Variants in NIN observed in about 807,000 individuals in gnomAD.
NIN encodes glycogen synthase kinase 3 beta-interacting protein.
NIN carries 137 observed loss-of-function variants against 257.6 expected under a neutral mutation model. That is an observed-to-expected ratio of 0.53 (90% CI 0.46 to 0.61). The LOEUF (loss-of-function observed/expected upper bound fraction) is 0.61. Ranked by LOEUF, NIN falls within the 20% of genes least tolerant of loss-of-function variation. NIN has a pLI of 0.00. For synonymous variants in NIN, 918 were observed against 919.8 expected, an observed-to-expected ratio of 1.00 and a Z score of 0.04; for missense variants, 2,439 against 2,501.2, an observed-to-expected ratio of 0.98 and a Z score of 0.53.
intron 3 of NIN, among the ~76,000 whole-genome samples, chr14:50,813,453 TA>T (rs1402572875): frequency 6.6e-6 from 1 of 152,226 alleles, no homozygotes; most frequent in Non-Finnish European, 1.5e-5. Flanking sequence ...TAAACTAAAT[TA>T]AGAGGAAGAC....
chr14:50,739,585 A>G (rs2140472319), intron 25 of NIN, 98 bp from the exon 26 acceptor site: 1 of 1,053,504 alleles, frequency 9.5e-7, no homozygotes, highest in Non-Finnish European at 1.4e-6. Flanking sequence ...ACGACTCCTA[A>G]TAAGTACCTT....
Position 50,763,968 on chromosome 14 carries a change from G to A in NIN, c.1636-4C>T. On this transcript the variant is annotated splice_region_variant and splice_polypyrimidine_tract_variant and intron_variant, in intron 14 of 30. Coordinates refer to ENST00000530997, the MANE Select transcript of NIN (RefSeq NM_020921.4). Reference sequence around the variant, plus strand: ...CATCTACTTGGTCTTGTAGTACCTGGGATTTAAAAACCAACACTGGTCTTA... The same window carrying A: ...CATCTACTTGGTCTTGTAGTACCTGAGATTTAAAAACCAACACTGGTCTTA... The A allele has an allele frequency of 6.2e-7, 1 of 1,611,060 alleles. No individual in the cohort carries two copies. The highest frequency in any genetic ancestry group is 1.3e-5 in the African/African-American group (1 of 74,852).
intron 11 of NIN, 113 bp downstream of exon 11, chr14:50,770,739 C>G: frequency 7.1e-7 from 1 of 1,400,506 alleles, no homozygotes; most frequent in Non-Finnish European, 9.6e-7. Context: ...AAGGTGTGGC[C>G]AACAGGCTGA....
chr14:50,726,785 T>C (rs1290589755), intron 29 of NIN, among the ~76,000 whole-genome samples: 1 of 152,188 alleles, frequency 6.6e-6, no homozygotes, highest in Non-Finnish European at 1.5e-5. Context: ...CTTATTAGAA[T>C]GCAACCCCCA....
intron 24 of NIN, 200 bp from the exon 25 acceptor site, chr14:50,741,928 G>C: frequency 2.0e-6 from 1 of 511,538 alleles, no homozygotes; most frequent in Non-Finnish European, 3.4e-6. Context: ...TTAGGACAAT[G>C]ATGAACTATG....
chr14:50,724,183 T>C (rs1443575297), intron 30 of NIN: 1 of 197,556 alleles, frequency 5.1e-6, no homozygotes, highest in African/African-American at 2.3e-5. Flanking sequence ...TGTTTTGTTT[T>C]GCATGGGGCC....
chr14:50,767,101 C>T (rs967599956), intron 12 of NIN, among the ~76,000 whole-genome samples: 1 of 152,136 alleles, frequency 6.6e-6, no homozygotes, highest in African/African-American at 2.4e-5. Context: ...TTTTTGACCA[C>T]GTAGAACTGT....
At chr14:50,723,796 T>C (rs1231417661) in intron 30 of NIN, 124 bp from the exon 31 acceptor site, 1 of 749,854 alleles carries the variant, frequency 1.3e-6, no homozygotes, top group Non-Finnish European at 2.2e-6. Context: ...TTATATTCTT[T>C]TATTTTACAA....
At chr14:50,723,696 T>C (rs1293184127) in intron 30 of NIN, 24 bp from the exon 31 acceptor site, 14 of 1,601,206 alleles carry the variant, frequency 8.7e-6, no homozygotes, top group Non-Finnish European at 1.2e-5. Flanking sequence ...CAGAAACATC[T>C]TGACTCCATT....
intron 3 of NIN, among the ~76,000 whole-genome samples, chr14:50,808,806 T>C (rs1285556963): frequency 1.3e-5 from 2 of 152,182 alleles, no homozygotes; most frequent in East Asian, 1.9e-4. Flanking sequence ...GAAGATAAAA[T>C]GAGAATTGGG....
intron 2 of NIN, among the ~76,000 whole-genome samples, chr14:50,825,027 A>G (rs2045396272): frequency 6.6e-6 from 1 of 152,180 alleles, no homozygotes; most frequent in Non-Finnish European, 1.5e-5. Flanking sequence ...CTATACTAAA[A>G]CCTTTCTCAA....
intron 28 of NIN, among the ~76,000 whole-genome samples, chr14:50,735,244 A>T (rs563769407): frequency 6.6e-6 from 1 of 152,300 alleles, no homozygotes; most frequent in Admixed American, 6.5e-5. Flanking sequence ...CTAATCAGAG[A>T]GTCCCTGCCC....
intron 3 of NIN, among the ~76,000 whole-genome samples, chr14:50,807,130 G>T (rs2044367034): frequency 6.6e-6 from 1 of 152,150 alleles, no homozygotes; most frequent in African/African-American, 2.4e-5. Context: ...TTCTGAACAA[G>T]ACCAGAAGAG....
Position 50,739,443 on chromosome 14 carries a change from G to C in NIN, c.5493C>G (p.Asn1831Lys). The stretch of plus-strand genomic sequence containing the variant: ...TGTCCCAGGACAGCCTTTTCTGCTG[G>C]TTATGGAGCCCTGATGGATGAGTAG... ...EIATHPSGLH[N>K]QQKRLSWDKL... Residue 1831 changes from asparagine to lysine, a missense_variant, in exon 26 of 31, where the codon AAC becomes AAG. Coordinates refer to ENST00000530997, the MANE Select transcript of NIN (RefSeq NM_020921.4). 6.2e-7 allele frequency: 1 copy of C among 1,614,172 alleles called. No individual in the cohort carries two copies. Among genetic ancestry groups the C allele is most frequent in the Non-Finnish European group, 8.5e-7 (1 of 1,180,024 alleles).
At chr14:50,771,803 C>T (rs1343114462) in intron 9 of NIN, among the ~76,000 whole-genome samples, 2 of 151,938 alleles carry the variant, frequency 1.3e-5, no homozygotes, top group Non-Finnish European at 2.9e-5. Flanking sequence ...CTGGCCAACA[C>T]GGTGAAACCC....
intron 3 of NIN, among the ~76,000 whole-genome samples, chr14:50,807,930 T>G (rs2044402973): frequency 6.6e-6 from 1 of 152,132 alleles, no homozygotes; most frequent in Non-Finnish European, 1.5e-5. Context: ...ATGTTAGTTT[T>G]GATTGATTGG....
chr14:50,823,984 A>G (rs1233372452), intron 2 of NIN, among the ~76,000 whole-genome samples: 4 of 152,166 alleles, frequency 2.6e-5, no homozygotes, highest in East Asian at 1.9e-4. Flanking sequence ...TTAATTGTCA[A>G]CTAAGATCTG....
At position 50,723,150 on chromosome 14, in the gene NIN, AAAC is replaced by A. The variant is rs201161399; in HGVS notation, c.*310_*312del. 1,868 of 259,972 alleles carry A rather than the reference AAAC, an allele frequency of 7.2e-3. 16 individuals are homozygous for A. The highest frequency in any genetic ancestry group is 0.028 in the South Asian group (228 of 8,232). The allele number at this position is 259,972 out of a possible 1,614,324, so 16.1% of individuals were successfully genotyped here. ...CATAGATTTGTAATAATTAAAAAAAAAACCAAAACCACAAAAACTCATTCAAAA... is the reference window on the plus strand; with the variant it reads ...CATAGATTTGTAATAATTAAAAAAAACAAAACCACAAAAACTCATTCAAAA... On this transcript the variant is annotated 3_prime_UTR_variant, in exon 31 of 31. Transcript: ENST00000530997.
Position 50,756,504 on chromosome 14 carries a change from A to G in NIN, c.4526T>C (p.Val1509Ala), listed in dbSNP as rs778407401. The change falls in exon 18 of 31, where the codon GTT becomes GCT. Residue 1509 changes from valine (V) to alanine (A), a missense_variant. This residue lies in a region of NIN where 2,043 missense variants were observed against 2,050.2 expected (regional missense o/e 1.00). Transcript: ENST00000530997. ...QITCSEMQQKVELLRYESEKL... is the reference protein window; with the variant it reads ...QITCSEMQQKAELLRYESEKL... ...GTACATACATTACCTCAGAAGTTCA[A>G]CTTTTTGCTGCATCTCACTGCACGT... is the stretch of plus-strand genomic sequence containing the variant. 6.2e-7 allele frequency: 1 copy of G among 1,601,064 alleles called. No individual in the cohort carries two copies. The highest frequency in any genetic ancestry group is 8.5e-7 in the Non-Finnish European group (1 of 1,174,446).
Sources: gnomAD v4.1 joint callset for allele counts (sites outside exome capture counted in the v4.1 genomes callset) on GRCh38, gnomAD v4.1.1 for gene constraint, gnomAD v4.1.1 regional missense constraint, MANE v1.5 for transcripts, NCBI Gene and HGNC (gene_info 2026-07-23, HGNC 2026-07-21) for gene names.